Variants in PLEKHG1 observed in about 807,000 individuals in gnomAD.
PLEKHG1 encodes pleckstrin homology domain-containing family G member 1.
A neutral mutation model predicts 100.8 loss-of-function variants in PLEKHG1; 44 were observed. That is an observed-to-expected ratio of 0.44 (90% CI 0.34 to 0.56). The LOEUF is 0.56. PLEKHG1 is among the 20% of genes least tolerant of loss of function. PLEKHG1 has a pLI of 0.01. For synonymous variants in PLEKHG1, 640 were observed against 662.5 expected (o/e 0.97, Z 0.52); for missense variants, 1,545 against 1,720.9 (o/e 0.90, Z 1.81).
chr6:150,708,562 C>T (rs1195534542), intron 3 of PLEKHG1, among the ~76,000 whole-genome samples: 2 of 152,150 alleles, frequency 1.3e-5, no homozygotes, highest in African/African-American at 4.8e-5. Flanking sequence ...AAAGACCCTT[C>T]TAGTCTCACT....
intron 3 of PLEKHG1, among the ~76,000 whole-genome samples, chr6:150,656,121 T>TAAA (rs372257546): frequency 0.017 from 2,446 of 146,668 alleles, 35 homozygotes; most frequent in South Asian, 0.067. Context: ...AATCAACCAA[T>TAAA]AAAAAAAAAA....
intron 3 of PLEKHG1, among the ~76,000 whole-genome samples, chr6:150,668,556 C>T (rs747471616): frequency 7.9e-5 from 12 of 152,134 alleles, no homozygotes; most frequent in Non-Finnish European, 1.5e-4. Context: ...TTTGATCTGT[C>T]GAAACATAGT....
intron 5 of PLEKHG1, among the ~76,000 whole-genome samples, chr6:150,798,920 T>C (rs1171167990): frequency 6.6e-6 from 1 of 152,152 alleles, no homozygotes; most frequent in Non-Finnish European, 1.5e-5. Context: ...TTTGTATTTT[T>C]AGGAGAGAGG....
At chr6:150,784,204 A>C (rs1039188959) in intron 3 of PLEKHG1, among the ~76,000 whole-genome samples, 1 of 152,232 alleles carries the variant, frequency 6.6e-6, no homozygotes, top group South Asian at 2.1e-4. Flanking sequence ...ACATTTGCTC[A>C]GTGCATGAAA....
At chr6:150,787,668 T>C (rs1785709228) in intron 4 of PLEKHG1, among the ~76,000 whole-genome samples, 1 of 152,208 alleles carries the variant, frequency 6.6e-6, no homozygotes. Flanking sequence ...TCTGGACTGT[T>C]CCACAGGGTC....
intron 3 of PLEKHG1, among the ~76,000 whole-genome samples, chr6:150,783,924 A>G (rs1484244564): frequency 6.6e-6 from 1 of 152,214 alleles, no homozygotes; most frequent in Non-Finnish European, 1.5e-5. Flanking sequence ...ACATTTTTAC[A>G]GATCTTGTTA....
chr6:150,819,815 G>T, intron 12 of PLEKHG1, 41 bp downstream of exon 13: 1 of 1,103,250 alleles, frequency 9.1e-7, no homozygotes, highest in South Asian at 1.2e-5. Context: ...TCTAATGGGG[G>T]ACTGGCAATG....
At chr6:150,616,250 C>A (rs760460432) in intron 1 of PLEKHG1, among the ~76,000 whole-genome samples, 1 of 152,212 alleles carries the variant, frequency 6.6e-6, no homozygotes. Context: ...AGACCAAGTT[C>A]TCTTATCTTA....
rs11755175 is a variant in PLEKHG1 at position 150,701,577 on chromosome 6, T to A, written c.-98-32007T>A. ...CCATTAACTCATCATTTACATTAGG[T>A]ATATCTCCTAATGCTATCCCTCCCC... On this transcript the variant is annotated intron_variant, in intron 3 of 3. Transcript: ENST00000367326. Among the ~76,000 whole-genome samples the A allele has an allele frequency of 4.1e-3, 605 of 146,634 alleles. 4 individuals are homozygous for A. Among genetic ancestry groups the A allele is most frequent in the Non-Finnish European group, 5.1e-3 (336 of 66,510 alleles).
At chr6:150,646,024 A>G (rs1778480245) in intron 2 of PLEKHG1, among the ~76,000 whole-genome samples, 1 of 152,260 alleles carries the variant, frequency 6.6e-6, no homozygotes, top group Non-Finnish European at 1.5e-5. Flanking sequence ...CAAGTTATTC[A>G]ATAACATACT....
At chr6:150,840,051 T>C in exon 16 of PLEKHG1, 1 of 1,614,202 alleles carries the variant, frequency 6.2e-7, no homozygotes, top group Non-Finnish European at 8.5e-7. Context: ...AGAGCAAGAC[T>C]TGAGGTCAAG....
At chr6:150,702,636 A>T (rs182524693) in intron 3 of PLEKHG1, among the ~76,000 whole-genome samples, 1 of 151,120 alleles carries the variant, frequency 6.6e-6, no homozygotes, top group Admixed American at 6.6e-5. Flanking sequence ...CCCTTCTAAC[A>T]GTTATTTAAA....
chr6:150,753,059 G>A (rs1460410993), intron 2 of PLEKHG1, among the ~76,000 whole-genome samples: 1 of 152,208 alleles, frequency 6.6e-6, no homozygotes, highest in East Asian at 1.9e-4. Flanking sequence ...GCTGCAGTGA[G>A]CTGTGATTAT....
intron 2 of PLEKHG1, among the ~76,000 whole-genome samples, chr6:150,650,345 G>A (rs1202935398): frequency 6.6e-6 from 1 of 152,116 alleles, no homozygotes; most frequent in East Asian, 1.9e-4. Context: ...CTTTGTTGGG[G>A]GAAATTCTTC....
exon 16 of PLEKHG1, chr6:150,843,629 G>A (rs566575417): frequency 3.3e-5 from 5 of 152,178 alleles, no homozygotes; most frequent in Middle Eastern, 6.8e-3. Context: ...AGTTAGTAAC[G>A]TCCATTATTT....
intron 3 of PLEKHG1, among the ~76,000 whole-genome samples, chr6:150,712,244 A>AT: frequency 6.6e-6 from 1 of 152,066 alleles, no homozygotes; most frequent in East Asian, 1.9e-4. Flanking sequence ...AAATGCCCCT[A>AT]TTTCCCTCTC....
At chr6:150,614,916 A>G (rs770195794) in intron 1 of PLEKHG1, among the ~76,000 whole-genome samples, 4 of 152,154 alleles carry the variant, frequency 2.6e-5, no homozygotes, top group Admixed American at 1.3e-4. Flanking sequence ...TCACATGAAA[A>G]TCAGATTTTA....
intron 2 of PLEKHG1, among the ~76,000 whole-genome samples, chr6:150,639,674 A>G (rs1055934306): frequency 7.2e-5 from 11 of 152,118 alleles, no homozygotes; most frequent in Non-Finnish European, 1.5e-5. Flanking sequence ...GCTCATCTAC[A>G]TAGTGATGGG....
intron 1 of PLEKHG1, chr6:150,633,347 A>C (rs992445919): frequency 1.3e-5 from 2 of 153,944 alleles, no homozygotes; most frequent in Non-Finnish European, 2.9e-5. Flanking sequence ...AGCAGGGAGC[A>C]GGACCCCAGT....
Sources: gnomAD v4.1 joint callset for allele counts (sites outside exome capture counted in the v4.1 genomes callset) on GRCh38, gnomAD v4.1.1 for gene constraint, MANE v1.5 for transcripts, NCBI Gene and HGNC (gene_info 2026-07-23, HGNC 2026-07-21) for gene names.